The following OSBPL9 variants were observed in gnomAD, a reference collection of about 807,000 sequenced individuals.
OSBPL9 encodes oxysterol binding protein like 9, also known as oxysterol-binding protein-related protein 9.
A neutral mutation model predicts 106.6 loss-of-function variants in OSBPL9; 40 were observed. The observed-to-expected ratio is 0.38, with a 90% CI of 0.29 to 0.49. OSBPL9 has a LOEUF of 0.49. Ranked by LOEUF, OSBPL9 falls within the 20% of genes least tolerant of loss-of-function variation. The pLI is 0.97. For synonymous variants in OSBPL9, 269 were observed against 295.4 expected (o/e 0.91, Z 0.92); for missense variants, 609 against 887.2 (o/e 0.69, Z 3.98).
intron 8 of OSBPL9, chr1:51,752,663 G>C: frequency 2.4e-6 from 1 of 414,398 alleles, no homozygotes; most frequent in East Asian, 7.1e-5. Flanking sequence ...GGCCTGTTCA[G>C]TTTCTGATGA....
chr1:51,725,736 G>A (rs967996971), intron 4 of OSBPL9, among the ~76,000 whole-genome samples: 1 of 152,124 alleles, frequency 6.6e-6, no homozygotes, highest in African/African-American at 2.4e-5. Flanking sequence ...GACGCATTAG[G>A]GGATTTTTTT....
chr1:51,765,198 A>G (rs984105603), intron 11 of OSBPL9, among the ~76,000 whole-genome samples: 2 of 152,190 alleles, frequency 1.3e-5, no homozygotes, highest in African/African-American at 2.4e-5. Flanking sequence ...CTATTTAGGA[A>G]TAGAAAAATG....
intron 1 of OSBPL9, among the ~76,000 whole-genome samples, chr1:51,592,558 G>A (rs1345335254): frequency 6.6e-6 from 1 of 152,176 alleles, no homozygotes; most frequent in African/African-American, 2.4e-5. Context: ...AAGAAAATAA[G>A]GTAAATAGAC....
Position 51,589,095 on chromosome 1 carries a change from CT to C in OSBPL9, c.-422-9018del, listed in dbSNP as rs71063044. The stretch of plus-strand genomic sequence containing the variant: ...TACATTTTTCTTTTTCTTTTCTTTT[CT>C]TTTTTTTTTTAAGACAGGGTCTCCC... On this transcript the variant is annotated intron_variant, in intron 1 of 25. Coordinates refer to the OSBPL9 transcript ENST00000371714. Among the ~76,000 whole-genome samples, 1,008 of 146,782 alleles carry C rather than the reference CT, an allele frequency of 6.9e-3. 7 individuals carry two copies. The highest frequency in any genetic ancestry group is 0.017 in the Middle Eastern group (5 of 286).
At chr1:51,554,162 A>G in the OSBPL9 span, among the ~76,000 whole-genome samples, 1 of 152,250 alleles carries the variant, frequency 6.6e-6, no homozygotes, top group Non-Finnish European at 1.5e-5. Flanking sequence ...TTACAGATAC[A>G]GGTATAAATA....
chr1:51,662,613 G>A (rs1004426136), intron 2 of OSBPL9, among the ~76,000 whole-genome samples: 1 of 151,954 alleles, frequency 6.6e-6, no homozygotes, highest in African/African-American at 2.4e-5. Context: ...GAAGTAATAA[G>A]ACTATTATTC....
chr1:51,780,126 A>G (rs1335758769), intron 15 of OSBPL9, among the ~76,000 whole-genome samples: 1 of 151,870 alleles, frequency 6.6e-6, no homozygotes, highest in Non-Finnish European at 1.5e-5. Flanking sequence ...AATGCTCAAC[A>G]TCACTAATTA....
chr1:51,534,373 C>A, the OSBPL9 span, among the ~76,000 whole-genome samples: 3 of 152,180 alleles, frequency 2.0e-5, no homozygotes, highest in Non-Finnish European at 4.4e-5. Context: ...CCCTCTATGG[C>A]AATGATAATG....
chr1:51,570,815 A>G, the OSBPL9 span, among the ~76,000 whole-genome samples: 2 of 151,746 alleles, frequency 1.3e-5, no homozygotes, highest in Admixed American at 1.3e-4. Context: ...CATTATTCGT[A>G]CTTGGTGAGG....
the OSBPL9 span, among the ~76,000 whole-genome samples, chr1:51,521,480 C>T: frequency 3.3e-5 from 5 of 152,108 alleles, no homozygotes; most frequent in East Asian, 5.8e-4. Flanking sequence ...AGAGTGTGAC[C>T]GCAGGCAAAC....
intron 1 of OSBPL9, among the ~76,000 whole-genome samples, chr1:51,593,904 TCACACACA>T (rs58936844): frequency 1.6e-4 from 22 of 140,102 alleles, no homozygotes; most frequent in African/African-American, 4.6e-4. Flanking sequence ...TAATCAGATT[TCACACACA>T]CACACACACA....
At chr1:51,525,888 T>C in the OSBPL9 span, among the ~76,000 whole-genome samples, 2 of 152,132 alleles carry the variant, frequency 1.3e-5, no homozygotes, top group African/African-American at 4.8e-5. Flanking sequence ...TTTTTTTTGT[T>C]CTTTTTGAGA....
chr1:51,548,060 T>C, the OSBPL9 span, among the ~76,000 whole-genome samples: 1 of 152,036 alleles, frequency 6.6e-6, no homozygotes, highest in African/African-American at 2.4e-5. Context: ...GAATACCTAT[T>C]AATTTTCAAA....
chr1:51,740,502 A>G (rs1666670077), intron 4 of OSBPL9, among the ~76,000 whole-genome samples: 1 of 152,070 alleles, frequency 6.6e-6, no homozygotes, highest in African/African-American at 2.4e-5. Context: ...TTTAATTTAC[A>G]GTTCTACTAC....
rs370105182 is a variant in OSBPL9, at chr1:51,742,519, TTTA to T, written c.319-3014_319-3012del. On this transcript the variant is annotated intron_variant, in intron 4 of 23. Transcript: ENST00000428468. The stretch of plus-strand genomic sequence containing the variant: ...ATTGCTTGAGCTCAGGAGTTTTTAT[TTTA>T]TTGCGGAGACAGGGTCTTGCAACAT... Among the ~76,000 whole-genome samples the T allele has an allele frequency of 7.3e-3, 1,108 of 151,252 alleles. 22 individuals carry two copies. The highest frequency in any genetic ancestry group is 0.025 in the African/African-American group (1,044 of 41,214).
chr1:51,727,775 A>T (rs1199961994), intron 4 of OSBPL9, among the ~76,000 whole-genome samples: 1 of 152,210 alleles, frequency 6.6e-6, no homozygotes, highest in Admixed American at 6.5e-5. Context: ...AGGCAGGAAG[A>T]TCACTTGAGC....
At chr1:51,666,095 G>T (rs531580397) in intron 2 of OSBPL9, among the ~76,000 whole-genome samples, 1 of 152,120 alleles carries the variant, frequency 6.6e-6, no homozygotes, top group Non-Finnish European at 1.5e-5. Context: ...TGATCCGCCC[G>T]CCTCGGCCTC....
upstream of OSBPL9, among the ~76,000 whole-genome samples, chr1:51,573,508 C>CAAAAAAA (rs961323006): frequency 4.0e-5 from 1 of 25,054 alleles, no homozygotes; most frequent in Admixed American, 5.4e-4. Context: ...AACTCCATCT[C>CAAAAAAA]AAAAAAAAAA....
intron 3 of OSBPL9, among the ~76,000 whole-genome samples, chr1:51,705,106 C>T (rs1289055904): frequency 2.6e-5 from 4 of 151,838 alleles, no homozygotes; most frequent in African/African-American, 9.7e-5. Context: ...AGTAAAGACA[C>T]ACTTCACTTT....
Sources: gnomAD v4.1 joint callset for allele counts (sites outside exome capture counted in the v4.1 genomes callset) on GRCh38, gnomAD v4.1.1 for gene constraint, MANE v1.5 for transcripts, NCBI Gene and HGNC (gene_info 2026-07-23, HGNC 2026-07-21) for gene names.